The following DCBLD1 variants were observed in gnomAD, a reference collection of about 807,000 sequenced individuals.
DCBLD1 encodes the protein discoidin, CUB and LCCL domain-containing protein 1.
A neutral mutation model predicts 71.5 loss-of-function variants in DCBLD1; 57 were observed. The ratio of observed to expected loss-of-function variants is 0.80; its 90% CI spans 0.64 to 0.99. The LOEUF is 0.99. Among genes scored for constraint, DCBLD1 ranks in the 50% least tolerant of loss-of-function variants. The pLI is 0.00. For missense variants in DCBLD1, 891 were observed against 923.5 expected (o/e 0.96, Z 0.46); for synonymous variants, 380 against 363.8 (o/e 1.04, Z -0.51).
chr6:117,556,403 A>G (rs1459031997), intron 14 of DCBLD1, among the ~76,000 whole-genome samples: 4 of 152,150 alleles, frequency 2.6e-5, no homozygotes, highest in African/African-American at 7.2e-5. Flanking sequence ...TCCAACGTCT[A>G]TTATTCCACT....
Position 117,549,448 on chromosome 6 carries a change from G to A in DCBLD1, c.*1009G>A, listed in dbSNP as rs2114581571. Reference sequence around the variant, plus strand: ...TGATTTTCCCCTCAAGGAGGCGTCTGTAATTCCAGAACAGTCCAGACATCA... The same window carrying A: ...TGATTTTCCCCTCAAGGAGGCGTCTATAATTCCAGAACAGTCCAGACATCA... On this transcript the variant is annotated 3_prime_UTR_variant, in exon 15 of 15. Coordinates refer to ENST00000338728, the MANE Select transcript of DCBLD1 (RefSeq NM_001366458.2). 2 of 985,428 alleles carry A rather than the reference G, an allele frequency of 2.0e-6. No individual in the cohort carries two copies. The highest frequency in any genetic ancestry group is 1.1e-4 in the East Asian group (1 of 8,818). The allele number at this position is 985,428 out of a possible 1,614,324, so 61.0% of individuals were successfully genotyped here. A position where few individuals can be genotyped will look rare whatever the true frequency, so the allele number is the denominator to read the frequency against.
At chr6:117,491,790 G>A (rs938367143) in intron 1 of DCBLD1, among the ~76,000 whole-genome samples, 1 of 152,068 alleles carries the variant, frequency 6.6e-6, no homozygotes, top group Non-Finnish European at 1.5e-5. Flanking sequence ...AGGAAACCAG[G>A]TTCAGTTGTT....
intron 2 of DCBLD1, among the ~76,000 whole-genome samples, chr6:117,516,150 G>C (rs921293033): frequency 6.6e-6 from 1 of 151,432 alleles, no homozygotes; most frequent in Non-Finnish European, 1.5e-5. Flanking sequence ...TCCGGAGATC[G>C]AGACTATACT....
At chr6:117,533,338 C>A (rs1358969956) in intron 6 of DCBLD1, among the ~76,000 whole-genome samples, 1 of 152,132 alleles carries the variant, frequency 6.6e-6, no homozygotes, top group African/African-American at 2.4e-5. Flanking sequence ...TCCCCCTGCC[C>A]TTGCTATTTT....
intron 12 of DCBLD1, among the ~76,000 whole-genome samples, chr6:117,543,492 C>T (rs1418391129): frequency 2.0e-5 from 3 of 152,148 alleles, no homozygotes; most frequent in African/African-American, 7.2e-5. Flanking sequence ...CCTGCCTCAA[C>T]CTCCTGAGTA....
At chr6:117,501,267 A>G (rs1480875986) in intron 1 of DCBLD1, among the ~76,000 whole-genome samples, 4 of 152,200 alleles carry the variant, frequency 2.6e-5, no homozygotes, top group Admixed American at 6.5e-5. Context: ...CTTTCAAGGG[A>G]CAGCCACTGT....
intron 6 of DCBLD1, among the ~76,000 whole-genome samples, chr6:117,533,794 G>A (rs531805572): frequency 2.7e-4 from 41 of 152,274 alleles, no homozygotes; most frequent in African/African-American, 8.4e-4. Context: ...AGGGGTGGTG[G>A]TGGCCATCAG....
rs1779494071 is a variant in DCBLD1, at chr6:117,556,247, T to C, written c.1615+10650T>C. Among the ~76,000 whole-genome samples the C allele has an allele frequency of 4.6e-5, 7 of 152,258 alleles. No homozygotes were observed. The South Asian group carries it at 1.5e-3, about 32-fold the overall frequency. ...TTTTTATCTTTATAGGTTTAGGGGGTAGAAGTGCAGGTTTTGTACATGCAT... is the reference window on the plus strand; with the variant it reads ...TTTTTATCTTTATAGGTTTAGGGGGCAGAAGTGCAGGTTTTGTACATGCAT... On this transcript the variant is annotated intron_variant, in intron 14 of 14. Transcript: ENST00000296955.
At chr6:117,558,488 C>T (rs990851643) in intron 14 of DCBLD1, among the ~76,000 whole-genome samples, 2 of 152,108 alleles carry the variant, frequency 1.3e-5, no homozygotes, top group Non-Finnish European at 2.9e-5. Context: ...ATTTCAGTCC[C>T]AAGTCTCCAA....
intron 1 of DCBLD1, among the ~76,000 whole-genome samples, chr6:117,497,929 A>G (rs1286898958): frequency 6.6e-6 from 1 of 152,242 alleles, no homozygotes; most frequent in Non-Finnish European, 1.5e-5. Context: ...AACTTATACC[A>G]TAGAAGTAAA....
At chr6:117,486,550 G>GT (rs944893585) in intron 1 of DCBLD1, among the ~76,000 whole-genome samples, 15 of 152,222 alleles carry the variant, frequency 9.9e-5, no homozygotes, top group East Asian at 5.8e-4. Context: ...TAGCTGTTTG[G>GT]TTTTTTTGCT....
chr6:117,541,396 A>G (rs1779092040), intron 11 of DCBLD1, among the ~76,000 whole-genome samples: 1 of 152,212 alleles, frequency 6.6e-6, no homozygotes, highest in African/African-American at 2.4e-5. Flanking sequence ...TAAGCAAAAT[A>G]TAGAACTATC....
intron 1 of DCBLD1, among the ~76,000 whole-genome samples, chr6:117,498,845 A>G (rs952375826): frequency 2.0e-5 from 3 of 152,164 alleles, no homozygotes; most frequent in Non-Finnish European, 1.5e-5. Context: ...TGTAGCCTCA[A>G]TGCCATTATC....
chr6:117,565,357 G>A (rs1779674980), intron 14 of DCBLD1, among the ~76,000 whole-genome samples: 1 of 152,152 alleles, frequency 6.6e-6, no homozygotes, highest in African/African-American at 2.4e-5. Flanking sequence ...AGCCTTTTCA[G>A]ATAACTGTCA....
chr6:117,514,238 C>T (rs1778117818), intron 2 of DCBLD1, among the ~76,000 whole-genome samples: 1 of 152,210 alleles, frequency 6.6e-6, no homozygotes, highest in South Asian at 2.1e-4. Flanking sequence ...CAGTATTCAA[C>T]TCTTATCCCC....
At chr6:117,523,113 T>TA (rs1778437494) in intron 4 of DCBLD1, among the ~76,000 whole-genome samples, 1 of 152,214 alleles carries the variant, frequency 6.6e-6, no homozygotes, top group South Asian at 2.1e-4. Context: ...GCTATACCTC[T>TA]ACAGTCCCAG....
At chr6:117,552,498 T>C (rs940314794), downstream of DCBLD1, among the ~76,000 whole-genome samples, 5 of 152,196 alleles carry the variant, frequency 3.3e-5, no homozygotes, top group Non-Finnish European at 7.3e-5. Context: ...CATCCTTTTT[T>C]ACTTTTTCAC....
rs1396342082 is a variant in DCBLD1 at position 117,482,775 on chromosome 6, CG to C, written c.-3del. 1.8e-5 allele frequency: 20 copies of C among 1,135,916 alleles called. No homozygotes were observed. In the South Asian group the frequency reaches 8.5e-4, roughly 48 times the overall value. 70.4% of individuals were successfully genotyped at this position (1,135,916 alleles called of 1,614,324 possible). A position where few individuals can be genotyped will look rare whatever the true frequency, so the allele number is the denominator to read the frequency against. Reference sequence around the variant, plus strand: ...CCGAGCTTGCCAAGCTGGCGCCCAGCGGGGTCATGGTGCCCGGCGCCCGCGG... The same window carrying C: ...CCGAGCTTGCCAAGCTGGCGCCCAGCGGGTCATGGTGCCCGGCGCCCGCGG... On this transcript the variant is annotated 5_prime_UTR_variant, in exon 1 of 15. Coordinates refer to ENST00000338728, the MANE Select transcript of DCBLD1 (RefSeq NM_001366458.2).
At chr6:117,515,320 C>T (rs1197902606) in intron 2 of DCBLD1, among the ~76,000 whole-genome samples, 1 of 152,130 alleles carries the variant, frequency 6.6e-6, no homozygotes, top group Non-Finnish European at 1.5e-5. Flanking sequence ...CCGTGCCTGG[C>T]CACCTACAGT....
Sources: gnomAD v4.1 joint callset for allele counts (sites outside exome capture counted in the v4.1 genomes callset) on GRCh38, gnomAD v4.1.1 for gene constraint, MANE v1.5 for transcripts, NCBI Gene and HGNC (gene_info 2026-07-23, HGNC 2026-07-21) for gene names.